NCOA1: variants seen among roughly 807,000 people sequenced by gnomAD.
NCOA1 encodes the protein Hin-2 protein.
In NCOA1, 35 loss-of-function variants were observed where a neutral mutation model predicts 150.9. That is an observed-to-expected ratio of 0.23 (90% CI 0.18 to 0.31). NCOA1 has a LOEUF of 0.31. Ranked by LOEUF, NCOA1 falls within the 10% of genes least tolerant of loss-of-function variation. The pLI is 1.00. For missense variants in NCOA1, 1,491 were observed against 1,749.3 expected (o/e 0.85, Z 2.63); for synonymous variants, 590 against 630.0 (o/e 0.94, Z 0.95).
chr2:24,520,644 TATG>T (rs1036426282), intron 1 of NCOA1, among the ~76,000 whole-genome samples: 2 of 152,154 alleles, frequency 1.3e-5, no homozygotes, highest in Non-Finnish European at 2.9e-5. Context: ...CAAGGAAACT[TATG>T]AGAGTGATGG....
intron 7 of NCOA1, among the ~76,000 whole-genome samples, chr2:24,675,071 A>T (rs1671846201): frequency 6.6e-6 from 1 of 151,658 alleles, no homozygotes; most frequent in African/African-American, 2.4e-5. Flanking sequence ...TTCTTTCCTT[A>T]ATTGCCTCTT....
intron 6 of NCOA1, among the ~76,000 whole-genome samples, chr2:24,671,420 G>A (rs1671677844): frequency 6.6e-6 from 1 of 152,130 alleles, no homozygotes; most frequent in African/African-American, 2.4e-5. Flanking sequence ...TACCTGGAAG[G>A]CTGAGGCTAG....
intron 3 of NCOA1, among the ~76,000 whole-genome samples, chr2:24,633,361 A>C (rs1179101454): frequency 6.6e-6 from 1 of 152,206 alleles, no homozygotes; most frequent in East Asian, 1.9e-4. Flanking sequence ...GCAAAAGGGC[A>C]AAGAAATAAT....
intron 1 of NCOA1, among the ~76,000 whole-genome samples, chr2:24,538,385 C>G (rs914601073): frequency 6.6e-6 from 1 of 152,108 alleles, no homozygotes; most frequent in Non-Finnish European, 1.5e-5. Context: ...TCCAAAACCT[C>G]GAAAGACTGG....
intron 1 of NCOA1, among the ~76,000 whole-genome samples, chr2:24,516,690 G>C (rs1664183140): frequency 6.6e-6 from 1 of 151,094 alleles, no homozygotes; most frequent in Non-Finnish European, 1.5e-5. Flanking sequence ...TCTGATACCT[G>C]ACCCTTTTCT....
intron 7 of NCOA1, among the ~76,000 whole-genome samples, chr2:24,680,677 A>G (rs1313448581): frequency 6.6e-6 from 1 of 152,226 alleles, no homozygotes; most frequent in Non-Finnish European, 1.5e-5. Context: ...ACTGTAATTA[A>G]TAACAATTAT....
intron 1 of NCOA1, among the ~76,000 whole-genome samples, chr2:24,543,828 C>T (rs921531977): frequency 6.6e-6 from 1 of 151,930 alleles, no homozygotes; most frequent in African/African-American, 2.4e-5. Flanking sequence ...TGGGCTTTAT[C>T]CTGAGAGGAA....
chr2:24,536,914 A>G (rs976960156), intron 1 of NCOA1, among the ~76,000 whole-genome samples: 1 of 152,128 alleles, frequency 6.6e-6, no homozygotes, highest in Non-Finnish European at 1.5e-5. Context: ...GTAGGAGCTA[A>G]GCTATGGGTA....
chr2:24,635,179 A>T (rs1475119349), intron 3 of NCOA1, among the ~76,000 whole-genome samples: 3 of 151,630 alleles, frequency 2.0e-5, no homozygotes, highest in African/African-American at 7.3e-5. Flanking sequence ...ATTCCTTCAT[A>T]TTTCTCCTGT....
chr2:24,522,805 A>C (rs1387641651), intron 1 of NCOA1, among the ~76,000 whole-genome samples: 2 of 152,224 alleles, frequency 1.3e-5, no homozygotes, highest in Non-Finnish European at 2.9e-5. Flanking sequence ...ATACAACATT[A>C]TTATTAGAGG....
chr2:24,540,379 T>C (rs1234717987), intron 1 of NCOA1, among the ~76,000 whole-genome samples: 1 of 152,056 alleles, frequency 6.6e-6, no homozygotes, highest in African/African-American at 2.4e-5. Context: ...ATGAAAAATA[T>C]AGTTGTTGAA....
intron 1 of NCOA1, among the ~76,000 whole-genome samples, chr2:24,505,955 CAGAT>C (rs901405315): frequency 3.7e-4 from 56 of 151,854 alleles, no homozygotes; most frequent in African/African-American, 1.3e-3. Context: ...CTGGCGGAGA[CAGAT>C]AGACAGACTC....
At chr2:24,539,780 G>T (rs939191068) in intron 1 of NCOA1, among the ~76,000 whole-genome samples, 13 of 152,206 alleles carry the variant, frequency 8.5e-5, no homozygotes, top group African/African-American at 3.1e-4. Flanking sequence ...AGGAGGTCCT[G>T]TGGGTAACAC....
chr2:24,630,226 G>A (rs535616726), intron 3 of NCOA1, among the ~76,000 whole-genome samples: 1 of 152,218 alleles, frequency 6.6e-6, no homozygotes, highest in South Asian at 2.1e-4. Flanking sequence ...AGGAAATGGA[G>A]GCATGGAAAG....
intron 5 of NCOA1, among the ~76,000 whole-genome samples, chr2:24,660,760 A>G (rs988271847): frequency 2.0e-5 from 3 of 152,130 alleles, no homozygotes; most frequent in African/African-American, 7.2e-5. Flanking sequence ...CTCCTATTTT[A>G]TACATAAAAG....
In NCOA1 at chr2:24,739,419, C is replaced by T. The variant is rs993740684; in HGVS notation, c.3202-13C>T. On this transcript the variant is annotated splice_polypyrimidine_tract_variant and intron_variant, in intron 17 of 22. Transcript: ENST00000348332. ...GTGTAGAAATATATCTTATTGTTTC[C>T]ATTTTTCTCTAGTTGATACACCAAA... 2 of 1,578,924 alleles carry T rather than the reference C, an allele frequency of 1.3e-6. No homozygotes were observed. Among genetic ancestry groups the T allele is most frequent in the Non-Finnish European group, 1.7e-6 (2 of 1,148,344 alleles).
chr2:24,614,105 C>A lies in NCOA1; in HGVS notation c.-175+29545C>A, dbSNP rs573561985. Among the ~76,000 whole-genome samples, 32 of 150,764 alleles carry A rather than the reference C, an allele frequency of 2.1e-4. No individual in the cohort carries two copies. In the South Asian group the frequency reaches 5.9e-3, roughly 28 times the overall value. On this transcript the variant is annotated intron_variant, in intron 3 of 22. Transcript: ENST00000348332. ...GCCTAAACTTTTTTCTCAATCCTTT[C>A]CAACCCTAGGTTACTAGGATTCATA...
chr2:24,760,145 T>C (rs1358451218), intron 21 of NCOA1, among the ~76,000 whole-genome samples: 1 of 145,414 alleles, frequency 6.9e-6, no homozygotes, highest in Non-Finnish European at 1.5e-5. Flanking sequence ...TTTTTTTTCT[T>C]TTTTTTTTTT....
intron 1 of NCOA1, among the ~76,000 whole-genome samples, chr2:24,539,772 G>T (rs929104216): frequency 6.6e-6 from 1 of 152,144 alleles, no homozygotes; most frequent in African/African-American, 2.4e-5. Flanking sequence ...ACATAAATAG[G>T]AGGTCCTGTG....
Sources: gnomAD v4.1 joint callset for allele counts (sites outside exome capture counted in the v4.1 genomes callset) on GRCh38, gnomAD v4.1.1 for gene constraint, MANE v1.5 for transcripts, NCBI Gene and HGNC (gene_info 2026-07-23, HGNC 2026-07-21) for gene names.